The following TMPRSS15 variants were observed in gnomAD, a reference collection of about 807,000 sequenced individuals.
TMPRSS15 encodes the protein enteropeptidase.
A neutral mutation model predicts 125.3 loss-of-function variants in TMPRSS15; 128 were observed. The observed-to-expected ratio is 1.02, with a 90% CI of 0.89 to 1.18. TMPRSS15 has a LOEUF of 1.18. Among genes scored for constraint, TMPRSS15 ranks in the 50% most tolerant of loss-of-function variants. The probability of loss-of-function intolerance (pLI) is 0.00; values close to 1 mark genes in which losing one functional copy is unlikely to be tolerated. For missense variants in TMPRSS15, 1,283 were observed against 1,212.7 expected (o/e 1.06, Z -0.86); for synonymous variants, 446 against 423.2 (o/e 1.05, Z -0.66).
chr21:18,432,820 T>A (rs1357891716), intron 1 of TMPRSS15, among the ~76,000 whole-genome samples: 1 of 152,162 alleles, frequency 6.6e-6, no homozygotes, highest in Non-Finnish European at 1.5e-5. Flanking sequence ...AGGAAACTGA[T>A]TGATGTCATG....
intron 1 of TMPRSS15, among the ~76,000 whole-genome samples, chr21:18,468,533 CAA>C (rs11357922): frequency 1.2e-4 from 18 of 149,988 alleles, no homozygotes; most frequent in Admixed American, 1.1e-3. Context: ...GTTTTTCAAA[CAA>C]AAAAAAAATC....
intron 1 of TMPRSS15, among the ~76,000 whole-genome samples, chr21:18,443,232 C>G (rs17772298): frequency 0.052 from 7,965 of 152,194 alleles, 267 homozygotes; most frequent in South Asian, 0.092. Context: ...GTGCTGCTCT[C>G]GTAGAGAACA....
intron 21 of TMPRSS15, among the ~76,000 whole-genome samples, chr21:18,289,934 C>T (rs867056581): frequency 3.3e-5 from 5 of 152,066 alleles, no homozygotes; most frequent in African/African-American, 1.2e-4. Context: ...AAAAATGCAT[C>T]GATTTGTATA....
chr21:18,383,700 A>T lies in TMPRSS15; in HGVS notation c.423T>A (p.Ile141=). The change falls in exon 4 of 25, where the codon ATT becomes ATA. Residue 141 remains isoleucine (I), a synonymous_variant. Transcript: ENST00000284885. ...TGGATTTATTTGCTTCAAGGCCTTGAATCAGTTCTTCTTTTACATTTTCAT... is the reference window on the plus strand; with the variant it reads ...TGGATTTATTTGCTTCAAGGCCTTGTATCAGTTCTTCTTTTACATTTTCAT... ...VSDENVKEEL[I]QGLEANKSSQ... is the part of the protein sequence containing the mutation. The T allele has an allele frequency of 6.2e-7, 1 of 1,614,044 alleles. No individual in the cohort carries two copies. The highest frequency in any genetic ancestry group is 8.5e-7 in the Non-Finnish European group (1 of 1,179,966).
At chr21:18,436,069 T>C (rs1052343818) in intron 1 of TMPRSS15, among the ~76,000 whole-genome samples, 1 of 151,282 alleles carries the variant, frequency 6.6e-6, no homozygotes, top group African/African-American at 2.4e-5. Context: ...TTGTTGATCC[T>C]TTCAAAAAAC....
intron 21 of TMPRSS15, among the ~76,000 whole-genome samples, chr21:18,286,564 C>T (rs1215570199): frequency 1.3e-5 from 2 of 152,168 alleles, no homozygotes; most frequent in African/African-American, 2.4e-5. Context: ...TTTCCTTACT[C>T]CATATCTGTG....
At chr21:18,313,381 T>C (rs924270043) in intron 17 of TMPRSS15, among the ~76,000 whole-genome samples, 19 of 151,538 alleles carry the variant, frequency 1.3e-4, no homozygotes, top group Non-Finnish European at 2.7e-4. Context: ...TAAATATGTA[T>C]ATACACATTC....
In TMPRSS15 at chr21:18,403,747, T is replaced by C; in HGVS notation, c.-125A>G. On this transcript the variant is annotated 5_prime_UTR_variant, in exon 1 of 25. An upstream start codon of the reference 5' UTR is lost. Coordinates refer to ENST00000284885, the MANE Select transcript of TMPRSS15 (RefSeq NM_002772.3). Reference sequence around the variant, plus strand: ...AGCAACAACCACCTGTCTACATGCATACCAGTCAGTGTAAGTGAGTTGTGT... The same window carrying C: ...AGCAACAACCACCTGTCTACATGCACACCAGTCAGTGTAAGTGAGTTGTGT... 8.4e-7 allele frequency: 1 copy of C among 1,186,478 alleles called. No individual in the cohort carries two copies. The highest frequency in any genetic ancestry group is 2.5e-5 in the East Asian group (1 of 39,718). The allele number at this position is 1,186,478 out of a possible 1,614,324, so 73.5% of individuals were successfully genotyped here.
intron 13 of TMPRSS15, among the ~76,000 whole-genome samples, chr21:18,338,690 C>T (rs377425077): frequency 4.0e-5 from 6 of 149,472 alleles, no homozygotes; most frequent in Admixed American, 6.7e-5. Flanking sequence ...AAGAGTATAT[C>T]CAAAAGAGAG....
At chr21:18,485,672 T>A (rs1377877438) in intron 1 of TMPRSS15, 1 of 152,974 alleles carries the variant, frequency 6.5e-6, no homozygotes, top group Non-Finnish European at 1.5e-5. Context: ...CTTGAATTCC[T>A]GAAACAAGCC....
chr21:18,362,867 T>A (rs1417353985), intron 7 of TMPRSS15, among the ~76,000 whole-genome samples: 1 of 152,142 alleles, frequency 6.6e-6, no homozygotes, highest in Non-Finnish European at 1.5e-5. Flanking sequence ...TCACACATCT[T>A]GATCTGATGA....
intron 1 of TMPRSS15, among the ~76,000 whole-genome samples, chr21:18,435,820 G>T (rs1009651688): frequency 3.7e-4 from 56 of 152,146 alleles, no homozygotes; most frequent in Non-Finnish European, 5.9e-4. Context: ...CCTGTTATTG[G>T]TCTATTCAGA....
chr21:18,383,148 G>T (rs188509876), intron 4 of TMPRSS15, among the ~76,000 whole-genome samples: 1 of 151,570 alleles, frequency 6.6e-6, no homozygotes, highest in Non-Finnish European at 1.5e-5. Flanking sequence ...CAAAGAATGC[G>T]TAAGACCCAC....
At chr21:18,327,146 T>C (rs1007997766) in intron 15 of TMPRSS15, among the ~76,000 whole-genome samples, 9 of 152,174 alleles carry the variant, frequency 5.9e-5, no homozygotes, top group Admixed American at 5.2e-4. Flanking sequence ...TAAGAAAGTT[T>C]TATATGTTGG....
chr21:18,372,246 C>T lies in TMPRSS15; in HGVS notation c.611G>A (p.Cys204Tyr). The T allele has an allele frequency of 1.2e-6, 2 of 1,612,940 alleles. No individual in the cohort carries two copies. Among genetic ancestry groups the T allele is most frequent in the Non-Finnish European group, 8.5e-7 (1 of 1,179,428 alleles). The change falls in exon 6 of 25, where the codon TGT (cysteine) becomes TAT (tyrosine). Residue 204 changes from cysteine to tyrosine, a missense_variant. Transcript: ENST00000284885. ...ALTCIKADLF[C>Y]DGEVNCPDGS... ...ATCTGGACAGTTTACTTCTCCATCA[C>T]AAAATAAATCAGCTTTTATACACGT...
chr21:18,277,369 T>C (rs1346039651), intron 23 of TMPRSS15, among the ~76,000 whole-genome samples: 2 of 152,210 alleles, frequency 1.3e-5, no homozygotes, highest in African/African-American at 2.4e-5. Flanking sequence ...AATTTTGTTA[T>C]TGGTTAATTT....
At chr21:18,368,393 G>A (rs2075759793) in intron 6 of TMPRSS15, among the ~76,000 whole-genome samples, 1 of 152,190 alleles carries the variant, frequency 6.6e-6, no homozygotes, top group Admixed American at 6.5e-5. Context: ...AAGGTCATGT[G>A]ACTGAGTTGG....
intron 16 of TMPRSS15, among the ~76,000 whole-genome samples, chr21:18,323,622 C>T (rs1297868326): frequency 6.6e-6 from 1 of 152,030 alleles, no homozygotes; most frequent in East Asian, 1.9e-4. Flanking sequence ...AAATCTAATC[C>T]CTTATCTGTT....
intron 19 of TMPRSS15, among the ~76,000 whole-genome samples, chr21:18,296,180 C>A (rs57270279): frequency 0.55 from 83,710 of 151,982 alleles, 23,853 homozygotes; most frequent in Non-Finnish European, 0.62. Flanking sequence ...AAAGAATCAG[C>A]ATATAGGTCA....
Sources: allele counts gnomAD v4.1 joint callset (sites outside exome capture counted in the v4.1 genomes callset), GRCh38; gene constraint gnomAD v4.1.1; transcripts MANE v1.5; gene names NCBI Gene and HGNC (gene_info 2026-07-23, HGNC 2026-07-21).